Variants in PIWIL3 observed in about 807,000 individuals in gnomAD.
PIWIL3 encodes piwi-like protein 3.
A neutral mutation model predicts 109.7 loss-of-function variants in PIWIL3; 101 were observed. That is an observed-to-expected ratio of 0.92 (90% CI 0.78 to 1.09). The LOEUF (loss-of-function observed/expected upper bound fraction) is 1.09. PIWIL3 is among the 50% of genes least tolerant of loss of function. The probability of loss-of-function intolerance (pLI) is 0.00; values close to 1 mark genes in which losing one functional copy is unlikely to be tolerated. For missense variants in PIWIL3, 1,031 were observed against 1,072.6 expected (o/e 0.96, Z 0.54); for synonymous variants, 373 against 376.4 (o/e 0.99, Z 0.10).
At chr22:24,759,824 C>G (rs1399594545) in intron 3 of PIWIL3, 45 bp downstream of exon 3, 1 of 1,612,848 alleles carries the variant, frequency 6.2e-7, no homozygotes, top group Non-Finnish European at 8.5e-7. Context: ...GCCCTTCACA[C>G]ATGAAGCATC....
intron 10 of PIWIL3, 53 bp downstream of exon 10, chr22:24,749,640 C>T (rs962781721): frequency 3.3e-5 from 53 of 1,613,022 alleles, no homozygotes; most frequent in Admixed American, 1.7e-4. Flanking sequence ...GAAAAGCCTG[C>T]GTTAAGTCGT....
intron 12 of PIWIL3, among the ~76,000 whole-genome samples, chr22:24,736,663 A>C (rs1923675219): frequency 6.6e-6 from 1 of 152,136 alleles, no homozygotes; most frequent in Non-Finnish European, 1.5e-5. Context: ...TTTTTACTTT[A>C]TATTGCTGAA....
At chr22:24,736,157 G>A (rs1923645182) in intron 12 of PIWIL3, among the ~76,000 whole-genome samples, 1 of 152,176 alleles carries the variant, frequency 6.6e-6, no homozygotes, top group African/African-American at 2.4e-5. Context: ...GCAAACTCCA[G>A]TATAAACAGT....
chr22:24,771,857 G>A (rs768176605), intron 1 of PIWIL3, among the ~76,000 whole-genome samples: 2 of 151,688 alleles, frequency 1.3e-5, no homozygotes, highest in East Asian at 1.9e-4. Flanking sequence ...CCTCATGCCC[G>A]GCTAATTTTT....
In PIWIL3 at chr22:24,750,708, G is replaced by C. The variant is rs188525108; in HGVS notation, c.1089+679C>G. 7.4e-3 allele frequency among the ~76,000 whole-genome samples: 1,110 copies of C among 149,622 alleles called. 21 individuals are homozygous for C. Among genetic ancestry groups the C allele is most frequent in the African/African-American group, 0.026 (1,055 of 40,840 alleles). On this transcript the variant is annotated intron_variant, in intron 9 of 20. Transcript: ENST00000616349. The stretch of plus-strand genomic sequence containing the variant: ...TCTCCGTTTTGGTCAGGCTGGTCTC[G>C]ATCTCCTGACCTCAGGTGATCCGCC...
chr22:24,743,856 C>CA (rs1397462895), intron 12 of PIWIL3, among the ~76,000 whole-genome samples: 1 of 151,872 alleles, frequency 6.6e-6, no homozygotes, highest in Non-Finnish European at 1.5e-5. Context: ...AAGCAAACGA[C>CA]AAATTTAAAA....
In PIWIL3 at chr22:24,756,557, C is replaced by T. The variant is rs772354944; in HGVS notation, c.504G>A (p.Arg168=). The part of the protein sequence containing the change: ...LRTILLDQHR[R]KFGERHIFDG... ...CAAATATATGGCGCTCTCCAAATTT[C>T]CTTCTATGTTGATCAAGTAAAATTG... is the stretch of plus-strand genomic sequence containing the variant. The change falls in exon 5 of 21, where the codon AGG becomes AGA. Residue 168 remains arginine (R), a synonymous_variant. Coordinates refer to ENST00000616349, the MANE Select transcript of PIWIL3 (RefSeq NM_001255975.1). 8.7e-6 allele frequency: 14 copies of T among 1,613,984 alleles called. No individual in the cohort carries two copies. Among genetic ancestry groups the T allele is most frequent in the South Asian group, 7.7e-5 (7 of 91,074 alleles).
At chr22:24,737,466 G>C (rs1426814868) in intron 12 of PIWIL3, among the ~76,000 whole-genome samples, 3 of 152,158 alleles carry the variant, frequency 2.0e-5, no homozygotes, top group Non-Finnish European at 4.4e-5. Flanking sequence ...GAGGGCCTTG[G>C]GTGGACTCAG....
In PIWIL3 at chr22:24,754,005, C is replaced by T; in HGVS notation, c.977+9G>A. On this transcript the variant is annotated intron_variant, in intron 8 of 20. Transcript: ENST00000616349. Reference sequence around the variant, plus strand: ...AGTGATTGGATAGGTTTTTAAAAGACAGACTTACTTTGTCAGAACAATTGA... The same window carrying T: ...AGTGATTGGATAGGTTTTTAAAAGATAGACTTACTTTGTCAGAACAATTGA... 1 of 1,586,846 alleles carries T rather than the reference C, an allele frequency of 6.3e-7. No homozygotes were observed. Among genetic ancestry groups the T allele is most frequent in the Non-Finnish European group, 8.7e-7 (1 of 1,155,408 alleles).
In PIWIL3 at chr22:24,726,287, C is replaced by CT. The variant is rs377326400; in HGVS notation, c.2010-773dup. 7.6e-3 allele frequency among the ~76,000 whole-genome samples: 1,100 copies of CT among 143,904 alleles called. 5 individuals are homozygous for CT. The highest frequency in any genetic ancestry group is 0.02 in the African/African-American group (776 of 39,266). 94.4% of individuals were successfully genotyped at this position (143,904 alleles called of 152,430 possible). On this transcript the variant is annotated intron_variant, in intron 16 of 20. Coordinates refer to ENST00000616349, the MANE Select transcript of PIWIL3 (RefSeq NM_001255975.1). ...AAGGTATTGGCTATTTTCTTTCTTT[C>CT]TTTTTTTTTTTTTGAAACGGAGTCT...
intron 1 of PIWIL3, among the ~76,000 whole-genome samples, chr22:24,773,397 G>C (rs1926234984): frequency 6.6e-6 from 1 of 152,100 alleles, no homozygotes; most frequent in African/African-American, 2.4e-5. Context: ...GTCCCGGCAG[G>C]ACCCCCTCCT....
At chr22:24,774,181 A>G (rs897493921) in intron 1 of PIWIL3, 141 bp downstream of exon 1, 1 of 152,250 alleles carries the variant, frequency 6.6e-6, no homozygotes, top group Admixed American at 6.5e-5. Flanking sequence ...TAGACAAAGT[A>G]TAGACGTGTT....
intron 17 of PIWIL3, 137 bp from the exon 18 acceptor site, chr22:24,725,174 G>A: frequency 5.4e-6 from 6 of 1,112,484 alleles, no homozygotes; most frequent in Non-Finnish European, 7.6e-6. Context: ...TGTCTATTCT[G>A]GGGTTCCTCA....
At position 24,747,778 on chromosome 22, in the gene PIWIL3, A is replaced by G. The variant is rs1001392447; in HGVS notation, c.1449+1129T>C. The stretch of plus-strand genomic sequence containing the variant: ...AAATGGCTTTTATGCAAGACAAGCA[A>G]TAACAAATGTTGGTAAGGATGTGGA... On this transcript the variant is annotated intron_variant, in intron 12 of 20. Coordinates refer to ENST00000616349, the MANE Select transcript of PIWIL3 (RefSeq NM_001255975.1). Among the ~76,000 whole-genome samples, 57 of 152,200 alleles carry G rather than the reference A, an allele frequency of 3.7e-4. 1 individual carries two copies. The highest frequency in any genetic ancestry group is 1.9e-4 in the Non-Finnish European group (13 of 68,012).
chr22:24,734,723 G>C (rs1302951361), intron 13 of PIWIL3, among the ~76,000 whole-genome samples: 2 of 151,924 alleles, frequency 1.3e-5, no homozygotes, highest in Non-Finnish European at 2.9e-5. Context: ...AGTGCTTCCA[G>C]CAGGGGGAGG....
At chr22:24,730,301 T>A (rs1601826307) in intron 14 of PIWIL3, among the ~76,000 whole-genome samples, 1 of 146,700 alleles carries the variant, frequency 6.8e-6, no homozygotes, top group Admixed American at 7.0e-5. Context: ...GAGGCGGAGG[T>A]TGCAGTGAGC....
chr22:24,758,342 A>C (rs1026616528), intron 3 of PIWIL3, among the ~76,000 whole-genome samples: 16 of 152,172 alleles, frequency 1.1e-4, no homozygotes, highest in African/African-American at 3.6e-4. Flanking sequence ...CTTTAAGCCT[A>C]TCTCCTGGCG....
At chr22:24,740,317 G>A (rs1923924243) in intron 12 of PIWIL3, among the ~76,000 whole-genome samples, 1 of 151,376 alleles carries the variant, frequency 6.6e-6, no homozygotes. Context: ...GGGAGCCCGA[G>A]GCGGGTGGAT....
intron 14 of PIWIL3, 22 bp from the exon 15 acceptor site, chr22:24,728,396 C>A (rs767934907): frequency 6.2e-7 from 1 of 1,614,112 alleles, no homozygotes; most frequent in Non-Finnish European, 8.5e-7. Context: ...GCAAACATGA[C>A]ATTCCCTAAG....
Sources: allele counts gnomAD v4.1 joint callset (sites outside exome capture counted in the v4.1 genomes callset), GRCh38; gene constraint gnomAD v4.1.1; transcripts MANE v1.5; gene names NCBI Gene and HGNC (gene_info 2026-07-23, HGNC 2026-07-21).